The following MMEL1 variants were observed in gnomAD, a reference collection of about 807,000 sequenced individuals.
The protein encoded by MMEL1 is membrane metalloendopeptidase like 1, also known as membrane metallo-endopeptidase-like 1.
A neutral mutation model predicts 117.1 loss-of-function variants in MMEL1; 98 were observed. That is an observed-to-expected ratio of 0.84 (90% CI 0.71 to 0.99). The LOEUF (loss-of-function observed/expected upper bound fraction) is 0.99. Among genes scored for constraint, MMEL1 ranks in the 50% least tolerant of loss-of-function variants. MMEL1 has a pLI of 0.00. For missense variants in MMEL1, 1,014 were observed against 1,049.1 expected (o/e 0.97, Z 0.46); for synonymous variants, 390 against 415.1 (o/e 0.94, Z 0.74).
chr1:2,618,987 A>AT (rs967171956), intron 2 of MMEL1, among the ~76,000 whole-genome samples: 4 of 151,860 alleles, frequency 2.6e-5, no homozygotes, highest in Non-Finnish European at 5.9e-5. Context: ...GGGACAAATT[A>AT]TTTTTTTTCT....
intron 4 of MMEL1, among the ~76,000 whole-genome samples, chr1:2,610,940 T>C (rs1190277702): frequency 6.6e-6 from 1 of 152,262 alleles, no homozygotes; most frequent in Admixed American, 6.5e-5. Flanking sequence ...CCCCCAATTT[T>C]AAGACAAATG....
At chr1:2,605,825 G>C (rs1645015851) in intron 8 of MMEL1, among the ~76,000 whole-genome samples, 1 of 151,968 alleles carries the variant, frequency 6.6e-6, no homozygotes, top group Non-Finnish European at 1.5e-5. Context: ...GGACTGGAGA[G>C]GGTGGCGGGG....
Position 2,632,398 on chromosome 1 carries a change from G to A in MMEL1, c.-38+468C>T, listed in dbSNP as rs72849532. 7.1e-3 allele frequency among the ~76,000 whole-genome samples: 1,087 copies of A among 152,310 alleles called. 14 individuals are homozygous for A. Among genetic ancestry groups the A allele is most frequent in the African/African-American group, 0.024 (999 of 41,562 alleles). On this transcript the variant is annotated intron_variant, in intron 1 of 23. Transcript: ENST00000378412. ...ATGAATGAATGAATGATGAATGAATGGATCAATCATTTGGACAAGTCTGAG... is the reference window on the plus strand; with the variant it reads ...ATGAATGAATGAATGATGAATGAATAGATCAATCATTTGGACAAGTCTGAG...
intron 9 of MMEL1, among the ~76,000 whole-genome samples, chr1:2,604,701 G>A (rs540309654): frequency 1.2e-4 from 19 of 152,230 alleles, no homozygotes; most frequent in Admixed American, 5.2e-4. Context: ...GGTGCTTCCC[G>A]GCCTGAGTGT....
chr1:2,592,762 T>C (rs542298534), intron 20 of MMEL1, 42 bp from the exon 21 acceptor site: 2 of 1,609,850 alleles, frequency 1.2e-6, no homozygotes, highest in South Asian at 1.1e-5. Context: ...CGGCCCTGAC[T>C]TCCCTCTCCC....
rs1434681362 is a variant in MMEL1, at chr1:2,609,516, C to A, written c.455-97G>T. The A allele has an allele frequency of 2.7e-6, 4 of 1,502,808 alleles. No homozygotes were observed. In the African/African-American group the frequency reaches 4.1e-5, roughly 16 times the overall value. The allele number at this position is 1,502,808 out of a possible 1,614,324, so 93.1% of individuals were successfully genotyped here. A position where few individuals can be genotyped will look rare whatever the true frequency, so the allele number is the denominator to read the frequency against. ...CCCTGAAGTGCTCGGCGAGAGGCGG[C>A]CCCCCAGCTGCTGGGTCTTTATTCC... On this transcript the variant is annotated intron_variant, in intron 5 of 23. Coordinates refer to ENST00000378412, the MANE Select transcript of MMEL1 (RefSeq NM_033467.4).
intron 11 of MMEL1, among the ~76,000 whole-genome samples, chr1:2,601,847 A>G (rs1409907442): frequency 6.6e-6 from 1 of 152,278 alleles, no homozygotes; most frequent in East Asian, 1.9e-4. Flanking sequence ...AACCCAGATG[A>G]AACCCCACTA....
chr1:2,607,045 TGA>T lies in MMEL1; in HGVS notation c.558_559del (p.Gln187AlafsTer163). 1 of 1,613,368 alleles carries T rather than the reference TGA, an allele frequency of 6.2e-7. No individual in the cohort carries two copies. ...CACCTCCAAGATGTCCAGCAGGGGCTGAGAGCCTCGCTTCTCTATCACACCTG... is the reference window on the plus strand; with the variant it reads ...CACCTCCAAGATGTCCAGCAGGGGCTGAGCCTCGCTTCTCTATCACACCTG... On this transcript the variant is annotated frameshift_variant, in exon 7 of 24. Transcript: ENST00000378412. LOFTEE classifies it high-confidence loss of function.
chr1:2,631,523 C>T (rs188619009), intron 1 of MMEL1, among the ~76,000 whole-genome samples: 70 of 152,218 alleles, frequency 4.6e-4, no homozygotes, highest in African/African-American at 1.6e-3. Flanking sequence ...AGCGACTCCT[C>T]CAGAGATCCC....
intron 2 of MMEL1, among the ~76,000 whole-genome samples, chr1:2,613,131 TCAGATGTGAGCCTGACAGGGCC>T (rs1645154950): frequency 6.6e-6 from 1 of 152,154 alleles, no homozygotes; most frequent in African/African-American, 2.4e-5. Context: ...ATGCTGCAGT[TCAGATGTGAGCCTGACAGGGCC>T]CAGCCCTCAA....
At chr1:2,601,216 A>G (rs1436494156) in intron 11 of MMEL1, among the ~76,000 whole-genome samples, 3 of 152,232 alleles carry the variant, frequency 2.0e-5, no homozygotes, top group Admixed American at 6.5e-5. Context: ...TATAAAGCTG[A>G]AGGAGTGATG....
Position 2,590,936 on chromosome 1 carries a change from A to G in MMEL1, c.*54T>C. The G allele has an allele frequency of 7.3e-7, 1 of 1,363,254 alleles. No individual in the cohort carries two copies. Among genetic ancestry groups the G allele is most frequent in the Non-Finnish European group, 9.7e-7 (1 of 1,033,386 alleles). The allele number at this position is 1,363,254 out of a possible 1,614,324, so 84.4% of individuals were successfully genotyped here. ...GTCGCCGCTAGCTGCACCTTCGCAC[A>G]GATGCCTCCGAGCAGCGGGTGGGCG... On this transcript the variant is annotated 3_prime_UTR_variant, in exon 24 of 24. Coordinates refer to ENST00000378412, the MANE Select transcript of MMEL1 (RefSeq NM_033467.4).
chr1:2,602,948 C>T (rs75179033), intron 11 of MMEL1, among the ~76,000 whole-genome samples: 3 of 152,140 alleles, frequency 2.0e-5, no homozygotes, highest in Non-Finnish European at 4.4e-5. Context: ...ACCGGAACCT[C>T]GATCGAGATA....
intron 1 of MMEL1, among the ~76,000 whole-genome samples, chr1:2,630,425 T>A (rs942640467): frequency 1.1e-4 from 17 of 152,252 alleles, no homozygotes; most frequent in Admixed American, 9.2e-4. Context: ...TGTGTGCATG[T>A]GCATGACTGC....
At position 2,618,126 on chromosome 1, in the gene MMEL1, G is replaced by C. The variant is rs374827423; in HGVS notation, c.155-5922C>G. On this transcript the variant is annotated intron_variant, in intron 2 of 23. Coordinates refer to ENST00000378412, the MANE Select transcript of MMEL1 (RefSeq NM_033467.4). ...GATGTGGTTTATTTTTCCCTACCAA[G>C]TCTCATGTTGAAATGTGATACCCAA... is the stretch of plus-strand genomic sequence containing the variant. Among the ~76,000 whole-genome samples the C allele has an allele frequency of 3.5e-4, 53 of 152,328 alleles. 1 individual carries two copies. Among genetic ancestry groups the C allele is most frequent in the African/African-American group, 1.3e-3 (52 of 41,582 alleles).
At chr1:2,625,470 G>A (rs1343797378) in intron 2 of MMEL1, among the ~76,000 whole-genome samples, 2 of 152,224 alleles carry the variant, frequency 1.3e-5, no homozygotes, top group East Asian at 3.8e-4. Context: ...CAGATCCAAC[G>A]GTGCCTGGAG....
At position 2,612,148 on chromosome 1, in the gene MMEL1, A is replaced by G. The variant is rs4545280; in HGVS notation, c.211T>C (p.Phe71Leu). 11 of 1,581,970 alleles carry G rather than the reference A, an allele frequency of 7.0e-6. 1 individual carries two copies. The South Asian group carries it at 1.3e-4, about 18-fold the overall frequency. Residue 71 changes from phenylalanine to leucine, a missense_variant, in exon 3 of 24, where the codon TTT (phenylalanine) becomes CTT (leucine). Phe to Leu is a conservative substitution (Grantham distance 22). Transcript: ENST00000378412. This position sits in a 1 kb window ranked among gnomAD's most constrained non-coding sequence, Gnocchi z 5.4. Reference sequence around the variant, plus strand: ...CTACCTCGGGGTTTTCGTTTTACAAAGGTCCTCTCCTCCTGTAAGAAGCAC... The same window carrying G: ...CTACCTCGGGGTTTTCGTTTTACAAGGGTCCTCTCCTCCTGTAAGAAGCAC... ...RLCFLQEERT[F>L]VKRKPRGIPE... is the part of the protein sequence containing the mutation.
At chr1:2,610,560 C>A (rs888107479) in intron 4 of MMEL1, among the ~76,000 whole-genome samples, 2 of 152,220 alleles carry the variant, frequency 1.3e-5, no homozygotes. Flanking sequence ...TGCCCCCTCA[C>A]TCATCAGTGT....
chr1:2,605,195 G>A (rs1184905607), intron 9 of MMEL1, among the ~76,000 whole-genome samples: 1 of 152,158 alleles, frequency 6.6e-6, no homozygotes, highest in Non-Finnish European at 1.5e-5. Flanking sequence ...AGCCCCTTGA[G>A]ATGGAGCAGG....
Sources: allele counts gnomAD v4.1 joint callset (sites outside exome capture counted in the v4.1 genomes callset), GRCh38; gene constraint gnomAD v4.1.1; non-coding constraint Gnocchi (gnomAD v3.1); transcripts MANE v1.5; gene names NCBI Gene and HGNC (gene_info 2026-07-23, HGNC 2026-07-21).